The following NTNG2 variants were observed in gnomAD, a reference collection of about 807,000 sequenced individuals.
NTNG2 encodes netrin G2.
A neutral mutation model predicts 47.6 loss-of-function variants in NTNG2; 15 were observed. The observed-to-expected ratio is 0.32, with a 90% CI of 0.21 to 0.49. The LOEUF is 0.49. Ranked by LOEUF, NTNG2 falls within the 20% of genes least tolerant of loss-of-function variation. The pLI is 0.99. For synonymous variants in NTNG2, 307 were observed against 324.6 expected, an observed-to-expected ratio of 0.95 and a Z score of 0.58; for missense variants, 578 against 764.6, an observed-to-expected ratio of 0.76 and a Z score of 2.88.
intron 3 of NTNG2, among the ~76,000 whole-genome samples, chr9:132,200,314 G>C (rs1020624526): frequency 6.6e-6 from 1 of 152,088 alleles, no homozygotes; most frequent in Admixed American, 6.5e-5. Flanking sequence ...AGCCCAGCTG[G>C]GATGATCACT....
intron 2 of NTNG2, among the ~76,000 whole-genome samples, chr9:132,179,252 CA>C (rs1325366317): frequency 6.6e-6 from 1 of 152,254 alleles, no homozygotes; most frequent in Non-Finnish European, 1.5e-5. Flanking sequence ...ATGCCACCTG[CA>C]GCCAGTGGGG....
At chr9:132,225,249 G>GT (rs1840664980) in intron 3 of NTNG2, among the ~76,000 whole-genome samples, 15 of 151,004 alleles carry the variant, frequency 9.9e-5, no homozygotes, top group African/African-American at 2.4e-4. Context: ...TTTTGTTTTT[G>GT]TTTTGTTTGT....
chr9:132,200,040 T>A (rs556114524), intron 3 of NTNG2, among the ~76,000 whole-genome samples: 1 of 152,314 alleles, frequency 6.6e-6, no homozygotes, highest in East Asian at 1.9e-4. Context: ...CTGGGCCATC[T>A]GTAGAATGGG....
intron 7 of NTNG2, 71 bp downstream of exon 7, chr9:132,241,115 G>T: frequency 6.1e-6 from 9 of 1,474,062 alleles, no homozygotes; most frequent in Non-Finnish European, 8.1e-6. Context: ...GCAGTGGGCG[G>T]GGCCTAGTGG....
Position 132,163,933 on chromosome 9 carries a change from TTAA to T in NTNG2, c.-484+1700_-484+1702del, listed in dbSNP as rs1204260980. Among the ~76,000 whole-genome samples the T allele has an allele frequency of 5.3e-5, 8 of 152,232 alleles. No individual in the cohort carries two copies. Among genetic ancestry groups the T allele is most frequent in the Non-Finnish European group, 8.8e-5 (6 of 68,046 alleles). Reference sequence around the variant, plus strand: ...ATTTGTTTCTGGGAGCTGCAGTTTCTTAATAATATCAGGTGAAGATAAATTTTC... The same window carrying T: ...ATTTGTTTCTGGGAGCTGCAGTTTCTTAATATCAGGTGAAGATAAATTTTC... On this transcript the variant is annotated intron_variant, in intron 1 of 7. Transcript: ENST00000393229. This position sits in a 1 kb window ranked among gnomAD's most constrained non-coding sequence, Gnocchi z 7.2.
At chr9:132,170,109 G>A (rs1835797013) in intron 2 of NTNG2, among the ~76,000 whole-genome samples, 2 of 152,154 alleles carry the variant, frequency 1.3e-5, no homozygotes, top group South Asian at 2.1e-4. Flanking sequence ...CCACGGGAGC[G>A]CAAGCCCGGC....
chr9:132,189,236 C>T (rs1837671063), intron 2 of NTNG2, among the ~76,000 whole-genome samples: 1 of 151,498 alleles, frequency 6.6e-6, no homozygotes, highest in South Asian at 2.1e-4. Flanking sequence ...GCCACCATGC[C>T]CGGCTAGTTT....
At position 132,230,188 on chromosome 9, in the gene NTNG2, G is replaced by A. The variant is rs549208990; in HGVS notation, c.1031-384G>A. ...CTTCTTAGACAGGAACACTCCATAC[G>A]ATGTCCCTGTCCTGCACTGGAGGGC... is the stretch of plus-strand genomic sequence containing the variant. On this transcript the variant is annotated intron_variant, in intron 4 of 7. Transcript: ENST00000393229. Among the ~76,000 whole-genome samples, 9 of 152,342 alleles carry A rather than the reference G, an allele frequency of 5.9e-5. 1 individual carries two copies. The highest frequency in any genetic ancestry group is 4.1e-4 in the South Asian group (2 of 4,828).
chr9:132,184,225 C>A (rs1469987370), intron 2 of NTNG2, among the ~76,000 whole-genome samples: 3 of 152,188 alleles, frequency 2.0e-5, no homozygotes, highest in Non-Finnish European at 4.4e-5. Context: ...CAGGAAGAAA[C>A]CCTCGGAGGT....
Position 132,233,146 on chromosome 9 carries a change from G to A in NTNG2, c.1054+2551G>A, listed in dbSNP as rs554264988. On this transcript the variant is annotated intron_variant, in intron 5 of 7. Coordinates refer to ENST00000393229, the MANE Select transcript of NTNG2 (RefSeq NM_032536.4). ...CAGACATAGGTTGGCCCAGCCACAAGGGACCTGTGCTTTGCTGCTGAGCCT... is the reference window on the plus strand; with the variant it reads ...CAGACATAGGTTGGCCCAGCCACAAAGGACCTGTGCTTTGCTGCTGAGCCT... 3 of 152,390 alleles carry A rather than the reference G, an allele frequency of 2.0e-5. No individual in the cohort carries two copies. In the East Asian group the frequency reaches 5.8e-4, roughly 29 times the overall value. 9.4% of individuals were successfully genotyped at this position (152,390 alleles called of 1,614,324 possible).
chr9:132,192,438 A>C (rs1269542275), intron 2 of NTNG2, among the ~76,000 whole-genome samples: 2 of 152,148 alleles, frequency 1.3e-5, no homozygotes, highest in Non-Finnish European at 2.9e-5. Context: ...TAAAAATACA[A>C]AAATTAGCCA....
At chr9:132,199,149 T>C (rs972605375) in intron 3 of NTNG2, among the ~76,000 whole-genome samples, 1 of 151,976 alleles carries the variant, frequency 6.6e-6, no homozygotes, top group African/African-American at 2.4e-5. Context: ...AGGAAGTGCA[T>C]GTGTTGGAGG....
chr9:132,215,510 G>A lies in NTNG2; in HGVS notation c.858-11339G>A, dbSNP rs1360705822. On this transcript the variant is annotated intron_variant, in intron 3 of 7. Transcript: ENST00000393229. This position sits in a 1 kb window ranked among gnomAD's most constrained non-coding sequence, Gnocchi z 4.2. ...CAGGATAATTGCTTGAACCCAGGAG[G>A]TGGAGGTTGAAGTGAGCCAAGATCG... Among the ~76,000 whole-genome samples the A allele has an allele frequency of 6.6e-6, 1 of 152,138 alleles. No individual in the cohort carries two copies. Among genetic ancestry groups the A allele is most frequent in the African/African-American group, 2.4e-5 (1 of 41,424 alleles).
intron 3 of NTNG2, among the ~76,000 whole-genome samples, chr9:132,225,666 A>G (rs1840701643): frequency 1.3e-5 from 2 of 152,186 alleles, no homozygotes; most frequent in Admixed American, 1.3e-4. Context: ...GCAATGTCCA[A>G]ATTTCCAGTT....
In NTNG2 at chr9:132,201,857, T is replaced by C. The variant is rs865876941; in HGVS notation, c.857+3248T>C. On this transcript the variant is annotated intron_variant, in intron 3 of 7. Transcript: ENST00000393229. Reference sequence around the variant, plus strand: ...GACACGGCACTGAGCAAGCCAGACCTGATCCCCACCCCCTGGAGCGCTCCC... The same window carrying C: ...GACACGGCACTGAGCAAGCCAGACCCGATCCCCACCCCCTGGAGCGCTCCC... Among the ~76,000 whole-genome samples the C allele has an allele frequency of 2.6e-5, 4 of 152,332 alleles. No individual in the cohort carries two copies. The South Asian group carries it at 8.3e-4, about 32-fold the overall frequency.
chr9:132,218,789 G>A lies in NTNG2; in HGVS notation c.858-8060G>A, dbSNP rs981020959. On this transcript the variant is annotated intron_variant, in intron 3 of 7. Coordinates refer to ENST00000393229, the MANE Select transcript of NTNG2 (RefSeq NM_032536.4). This position sits in a 1 kb window ranked among gnomAD's most constrained non-coding sequence, Gnocchi z 5.4. ...TGGGATTACAGGCGTGAGCCAACGC[G>A]CCCGGCCCCAATGTGATAGGTTTAT... 3.9e-5 allele frequency among the ~76,000 whole-genome samples: 6 copies of A among 152,128 alleles called. No individual in the cohort carries two copies. Among genetic ancestry groups the A allele is most frequent in the African/African-American group, 1.2e-4 (5 of 41,426 alleles).
Position 132,211,140 on chromosome 9 carries a change from C to T in NTNG2, c.857+12531C>T, listed in dbSNP as rs533312379. 7.9e-5 allele frequency among the ~76,000 whole-genome samples: 12 copies of T among 152,322 alleles called. No homozygotes were observed. In the South Asian group the frequency reaches 2.5e-3, roughly 32 times the overall value. ...TGGCTTGACTGCCCTGGGCTCAGGG[C>T]TTCTCTGTGCTTCTCCCCCATGTTG... On this transcript the variant is annotated intron_variant, in intron 3 of 7. Coordinates refer to ENST00000393229, the MANE Select transcript of NTNG2 (RefSeq NM_032536.4).
At chr9:132,224,229 C>T (rs1840560065) in intron 3 of NTNG2, among the ~76,000 whole-genome samples, 1 of 152,072 alleles carries the variant, frequency 6.6e-6, no homozygotes, top group African/African-American at 2.4e-5. Context: ...ACAGAAAGTT[C>T]CCATTTCCCC....
In NTNG2 at chr9:132,227,037, C is replaced by T. The variant is rs141465317; in HGVS notation, c.1030+16C>T. On this transcript the variant is annotated intron_variant, in intron 4 of 7. Coordinates refer to ENST00000393229, the MANE Select transcript of NTNG2 (RefSeq NM_032536.4). ...CCCAACGCCTGTACGTGCCATGCCC[C>T]GGGGCCACGAGCCCACATGGCTATA... 3,611 of 1,578,790 alleles carry T rather than the reference C, an allele frequency of 2.3e-3. 5 individuals carry two copies. Among genetic ancestry groups the T allele is most frequent in the Non-Finnish European group, 2.7e-3 (3,134 of 1,162,876 alleles).
Sources: gnomAD v4.1 joint callset for allele counts (sites outside exome capture counted in the v4.1 genomes callset) on GRCh38, gnomAD v4.1.1 for gene constraint, Gnocchi (gnomAD v3.1) non-coding constraint, MANE v1.5 for transcripts, NCBI Gene and HGNC (gene_info 2026-07-23, HGNC 2026-07-21) for gene names.